Variants in H6PD observed in about 807,000 individuals in gnomAD.
H6PD encodes the protein hexose-6-phosphate dehydrogenase/glucose 1-dehydrogenase, also known as GDH/6PGL endoplasmic bifunctional protein.
Under a neutral mutation model 61.2 loss-of-function variants are expected in H6PD, and 48 were observed. That is an observed-to-expected ratio of 0.78 (90% confidence interval 0.62 to 1.00). The LOEUF is 1.00. Among genes scored for constraint, H6PD ranks in the 50% least tolerant of loss-of-function variants. The pLI, the probability that H6PD is intolerant of heterozygous loss-of-function variation, is 0.00. For synonymous variants in H6PD, 480 were observed against 457.9 expected, an observed-to-expected ratio of 1.05 and a Z score of -0.62; for missense variants, 1,093 against 1,065.0, an observed-to-expected ratio of 1.03 and a Z score of -0.37.
intron 3 of H6PD, among the ~76,000 whole-genome samples, chr1:9,261,800 C>T (rs1038498708): frequency 3.9e-5 from 6 of 152,244 alleles, no homozygotes; most frequent in Non-Finnish European, 5.9e-5. Flanking sequence ...GAGCTTTCTT[C>T]ATGTGGATTT....
chr1:9,259,345 T>TGGTGTTGTATGGTTACACC (rs1236908230), intron 3 of H6PD, among the ~76,000 whole-genome samples: 6 of 152,226 alleles, frequency 3.9e-5, no homozygotes, highest in African/African-American at 1.4e-4. Context: ...GTTGTTACAC[T>TGGTGTTGTATGGTTACACC]GGTGTTGTAT....
At chr1:9,261,879 T>C (rs1283637697) in intron 3 of H6PD, among the ~76,000 whole-genome samples, 180 bp from the exon 4 acceptor site, 2 of 152,220 alleles carry the variant, frequency 1.3e-5, no homozygotes, top group Non-Finnish European at 2.9e-5. Flanking sequence ...GCTTCAAGAC[T>C]TCCTCCCTCC....
At position 9,264,422 on chromosome 1, in the gene H6PD, C is replaced by A. The variant is rs139743824; in HGVS notation, c.1929C>A (p.His643Gln). 1 of 1,613,044 alleles carries A rather than the reference C, an allele frequency of 6.2e-7. No individual in the cohort carries two copies. The stretch of plus-strand genomic sequence containing the variant: ...GCCTGCAGGCCCACCTGCTGCAGCA[C>A]GTCCGGATCCCCTACTACAACATCC... ...FQGLQAHLLQ[H>Q]VRIPYYNIHP... is the part of the protein sequence containing the mutation. Residue 643 changes from histidine (H) to glutamine (Q), a missense_variant, in exon 5 of 5, where the codon CAC becomes CAA. His to Gln is a conservative substitution (Grantham distance 24). Coordinates refer to ENST00000377403, the MANE Select transcript of H6PD (RefSeq NM_004285.4).
intron 4 of H6PD, 97 bp from the exon 5 acceptor site, chr1:9,263,412 G>GTGA: frequency 4.2e-6 from 5 of 1,194,292 alleles, no homozygotes; most frequent in Non-Finnish European, 6.2e-6. Flanking sequence ...CCCTGAGGCA[G>GTGA]GGGGACGCCC....
rs752960171 is a variant in H6PD at position 9,263,795 on chromosome 1, T to C, written c.1302T>C (p.Pro434=). Residue 434 remains proline (P), a synonymous_variant, in exon 5 of 5, where the codon CCT becomes CCC. Transcript: ENST00000377403. ...PSSWKEMEGP[P]GLRLFGSPLS... ...GCTGGAAGGAAATGGAGGGACCACC[T>C]GGGCTCCGCCTTTTCGGCAGCCCTC... 22 of 1,613,900 alleles carry C rather than the reference T, an allele frequency of 1.4e-5. No individual in the cohort carries two copies. The highest frequency in any genetic ancestry group is 1.7e-5 in the Non-Finnish European group (20 of 1,180,044).
chr1:9,270,011 G>A lies in H6PD; in HGVS notation c.*5142G>A, dbSNP rs1638697929. 1 of 152,652 alleles carries A rather than the reference G, an allele frequency of 6.6e-6. No homozygotes were observed. The allele number at this position is 152,652 out of a possible 1,614,324, so 9.5% of individuals were successfully genotyped here. ...CAAGGGCTTTCAGACGCATTTCCAA[G>A]AGTCCAGCAAGCCAGGGGGAAGATG... On this transcript the variant is annotated 3_prime_UTR_variant, in exon 5 of 5. Transcript: ENST00000377403.
chr1:9,268,951 T>C lies in H6PD; in HGVS notation c.*4082T>C, dbSNP rs1053450746. On this transcript the variant is annotated 3_prime_UTR_variant, in exon 5 of 5. Coordinates refer to ENST00000377403, the MANE Select transcript of H6PD (RefSeq NM_004285.4). ...ACAAAACTTTTTGTCCTGTAAGATATATGCAGCCTCACAGAAGCAGCCTCT... is the reference window on the plus strand; with the variant it reads ...ACAAAACTTTTTGTCCTGTAAGATACATGCAGCCTCACAGAAGCAGCCTCT... The C allele has an allele frequency of 3.3e-5, 5 of 152,158 alleles. No individual in the cohort carries two copies. The highest frequency in any genetic ancestry group is 1.9e-4 in the East Asian group (1 of 5,194). 9.4% of individuals were successfully genotyped at this position (152,158 alleles called of 1,614,324 possible).
chr1:9,264,823 C>G lies in H6PD; in HGVS notation c.2330C>G (p.Ser777Cys), dbSNP rs201032222. Residue 777 changes from serine (S) to cysteine (C), a missense_variant, in exon 5 of 5, where the codon TCC becomes TGC. Ser to Cys is a moderately radical substitution (Grantham distance 112). Transcript: ENST00000377403. ...KWPISGVLPH[S>C]GQLVWYMDYD... Reference sequence around the variant, plus strand: ...CCCATCTCGGGTGTCCTGCCGCACTCCGGCCAGCTGGTGTGGTACATGGAC... The same window carrying G: ...CCCATCTCGGGTGTCCTGCCGCACTGCGGCCAGCTGGTGTGGTACATGGAC... The G allele has an allele frequency of 6.2e-7, 1 of 1,612,708 alleles. No individual in the cohort carries two copies.
At chr1:9,258,711 G>C (rs1425559419) in intron 3 of H6PD, among the ~76,000 whole-genome samples, 1 of 152,024 alleles carries the variant, frequency 6.6e-6, no homozygotes, top group Non-Finnish European at 1.5e-5. Flanking sequence ...TTATGTTGTT[G>C]TTACACCGGT....
At chr1:9,263,080 C>A (rs182950228) in intron 4 of H6PD, among the ~76,000 whole-genome samples, 1 of 152,076 alleles carries the variant, frequency 6.6e-6, no homozygotes, top group Non-Finnish European at 1.5e-5. Context: ...TCTGACCCTG[C>A]GTCGGGTGCA....
At chr1:9,260,657 G>C (rs1007794938) in intron 3 of H6PD, among the ~76,000 whole-genome samples, 1 of 151,864 alleles carries the variant, frequency 6.6e-6, no homozygotes, top group East Asian at 1.9e-4. Context: ...TGTTACATTG[G>C]TGTTGTTATG....
At chr1:9,242,498 G>A (rs1488525255) in intron 1 of H6PD, 3 of 855,864 alleles carry the variant, frequency 3.5e-6, no homozygotes, top group African/African-American at 1.8e-5. Context: ...AGATAAGGGA[G>A]GCCAACCTCA....
At position 9,264,420 on chromosome 1, in the gene H6PD, C is replaced by T. The variant is rs141596021; in HGVS notation, c.1927C>T (p.His643Tyr). 6.2e-7 allele frequency: 1 copy of T among 1,613,110 alleles called. No homozygotes were observed. The highest frequency in any genetic ancestry group is 8.5e-7 in the Non-Finnish European group (1 of 1,179,930). Residue 643 changes from histidine (H) to tyrosine (Y), a missense_variant, in exon 5 of 5, where the codon CAC becomes TAC. Physicochemically the swap from His to Tyr is moderately conservative, Grantham distance 83. Coordinates refer to ENST00000377403, the MANE Select transcript of H6PD (RefSeq NM_004285.4). ...GGGCCTGCAGGCCCACCTGCTGCAG[C>T]ACGTCCGGATCCCCTACTACAACAT... ...FQGLQAHLLQ[H>Y]VRIPYYNIHP...
At chr1:9,248,976 A>G (rs1276886155) in intron 3 of H6PD, among the ~76,000 whole-genome samples, 3 of 152,128 alleles carry the variant, frequency 2.0e-5, no homozygotes, top group South Asian at 2.1e-4. Flanking sequence ...CTTCATCTTC[A>G]GAGAAGTGAG....
At position 9,263,731 on chromosome 1, in the gene H6PD, T is replaced by C; in HGVS notation, c.1238T>C (p.Leu413Pro). ...GHGDLGSPAV[L>P]VSRNLFRPSL... ...GGCGACCTGGGCAGCCCTGCCGTGCTGGTCAGCAGGAACCTGTTCAGGCCC... is the reference window on the plus strand; with the variant it reads ...GGCGACCTGGGCAGCCCTGCCGTGCCGGTCAGCAGGAACCTGTTCAGGCCC... The change falls in exon 5 of 5, where the codon CTG becomes CCG. Residue 413 changes from leucine to proline, a missense_variant. Transcript: ENST00000377403. 6.2e-7 allele frequency: 1 copy of C among 1,614,026 alleles called. No homozygotes were observed. The highest frequency in any genetic ancestry group is 1.7e-5 in the Admixed American group (1 of 60,038).
chr1:9,261,793 C>T (rs927554552), intron 3 of H6PD, among the ~76,000 whole-genome samples: 4 of 152,260 alleles, frequency 2.6e-5, no homozygotes, highest in Non-Finnish European at 5.9e-5. Flanking sequence ...GGGAATAGAG[C>T]TTTCTTCATG....
At chr1:9,259,739 G>A (rs567248588) in intron 3 of H6PD, among the ~76,000 whole-genome samples, 74 of 151,558 alleles carry the variant, frequency 4.9e-4, no homozygotes, top group African/African-American at 1.5e-3. Context: ...TTGTTACACC[G>A]GTGTTATGTT....
At chr1:9,259,581 T>C (rs1313474037) in intron 3 of H6PD, among the ~76,000 whole-genome samples, 2 of 152,138 alleles carry the variant, frequency 1.3e-5, no homozygotes, top group African/African-American at 4.8e-5. Context: ...TGTTGTTACA[T>C]TGTCACACCA....
chr1:9,257,202 G>A (rs1017045707), intron 3 of H6PD, among the ~76,000 whole-genome samples: 2 of 151,396 alleles, frequency 1.3e-5, no homozygotes, highest in African/African-American at 2.4e-5. Context: ...TGCAGTGGCA[G>A]GTTCACAGCT....
Sources: allele counts gnomAD v4.1 joint callset (sites outside exome capture counted in the v4.1 genomes callset), GRCh38; gene constraint gnomAD v4.1.1; transcripts MANE v1.5; gene names NCBI Gene and HGNC (gene_info 2026-07-23, HGNC 2026-07-21).